ZFP3: variants seen among roughly 807,000 people sequenced by gnomAD.
ZFP3 encodes ZFP3 zinc finger protein.
ZFP3 carries 18 observed loss-of-function variants against 36.7 expected under a neutral mutation model. That is an observed-to-expected ratio of 0.49 (90% CI 0.34 to 0.73). The LOEUF (loss-of-function observed/expected upper bound fraction) is 0.73. Ranked by LOEUF, ZFP3 falls within the 30% of genes least tolerant of loss-of-function variation. The probability of loss-of-function intolerance (pLI) is 0.01; values close to 1 mark genes in which losing one functional copy is unlikely to be tolerated. For missense variants in ZFP3, 495 were observed against 599.0 expected (o/e 0.83, Z 1.81); for synonymous variants, 218 against 199.0 (o/e 1.10, Z -0.81).
rs1033616243 is a variant in ZFP3, at chr17:5,091,682, G to A, written c.178G>A (p.Glu60Lys). The A allele has an allele frequency of 6.2e-7, 1 of 1,614,096 alleles. No homozygotes were observed. Among genetic ancestry groups the A allele is most frequent in the Non-Finnish European group, 8.5e-7 (1 of 1,180,054 alleles). Residue 60 changes from glutamate to lysine, a missense_variant, in exon 2 of 2, where the codon GAG becomes AAG. Around this residue, in one of 3 missense-constraint regions of ZFP3, gnomAD observed 229 missense variants for 233.8 expected, o/e 0.98. Coordinates refer to ENST00000318833, the MANE Select transcript of ZFP3 (RefSeq NM_153018.3). ...HSRESMEEVI[E>K]QMSPQERDFP... Reference sequence around the variant, plus strand: ...GAGAGAGTCCATGGAAGAGGTTATAGAGCAGATGTCTCCTCAGGAGAGAGA... The same window carrying A: ...GAGAGAGTCCATGGAAGAGGTTATAAAGCAGATGTCTCCTCAGGAGAGAGA...
chr17:5,093,210 C>A lies in ZFP3; in HGVS notation c.*197C>A. The A allele has an allele frequency of 1.8e-6, 1 of 561,838 alleles. No individual in the cohort carries two copies. 34.8% of individuals were successfully genotyped at this position (561,838 alleles called of 1,614,324 possible). On this transcript the variant is annotated 3_prime_UTR_variant, in exon 2 of 2. Transcript: ENST00000318833. The stretch of plus-strand genomic sequence containing the variant: ...TTTTTTTTTAAGCATTGGGGTCTTG[C>A]TCTGTTGCCCAGGATGGGATGCAGT...
At position 5,091,944 on chromosome 17, in the gene ZFP3, G is replaced by C; in HGVS notation, c.440G>C (p.Gly147Ala). ...GEKPHTCKECGKAFNQNSHLI... is the reference protein window; with the variant it reads ...GEKPHTCKECAKAFNQNSHLI... The stretch of plus-strand genomic sequence containing the variant: ...AAGCCTCATACATGTAAAGAATGTG[G>C]GAAAGCCTTTAATCAGAACTCACAT... The change falls in exon 2 of 2, where the codon GGG (glycine) becomes GCG (alanine). Residue 147 changes from glycine to alanine, a missense_variant. Physicochemically the swap from Gly to Ala is moderately conservative, Grantham distance 60 (BLOSUM62 0). Around this residue, in one of 3 missense-constraint regions of ZFP3, gnomAD observed 229 missense variants for 233.8 expected, o/e 0.98. Coordinates refer to ENST00000318833, the MANE Select transcript of ZFP3 (RefSeq NM_153018.3). 1 of 1,614,132 alleles carries C rather than the reference G, an allele frequency of 6.2e-7. No individual in the cohort carries two copies. Among genetic ancestry groups the C allele is most frequent in the Non-Finnish European group, 8.5e-7 (1 of 1,180,004 alleles).
rs2072169856 is a variant in ZFP3 at position 5,094,541 on chromosome 17, C to T, written c.*1528C>T. The stretch of plus-strand genomic sequence containing the variant: ...GCTAGACCTTGAACAAGGCACTTCA[C>T]CTGCTGGTCTCCAATTTTCTCCTCT... On this transcript the variant is annotated 3_prime_UTR_variant, in exon 2 of 2. Coordinates refer to ENST00000318833, the MANE Select transcript of ZFP3 (RefSeq NM_153018.3). 1 of 167,114 alleles carries T rather than the reference C, an allele frequency of 6.0e-6. No homozygotes were observed. The highest frequency in any genetic ancestry group is 1.5e-5 in the Non-Finnish European group (1 of 68,134). 10.4% of individuals were successfully genotyped at this position (167,114 alleles called of 1,614,324 possible).
At chr17:5,087,077 A>ATTTTTTTTTTTTTTTTTTTTTTTTGTT (rs35379036) in intron 1 of ZFP3, among the ~76,000 whole-genome samples, 1 of 101,568 alleles carries the variant, frequency 9.8e-6, no homozygotes, top group Non-Finnish European at 1.9e-5. Context: ...ACTGCATTTG[A>ATTTTTTTTTTTTTTTTTTTTTTTTGTT]TTTTTTTTTT....
chr17:5,086,569 G>A, intron 1 of ZFP3, among the ~76,000 whole-genome samples: 2 of 148,078 alleles, frequency 1.4e-5, no homozygotes, highest in Middle Eastern at 7.1e-3. Context: ...GTCCGTCTTG[G>A]TCTTCTCCTT....
At chr17:5,087,063 C>A (rs2072125388) in intron 1 of ZFP3, among the ~76,000 whole-genome samples, 1 of 147,644 alleles carries the variant, frequency 6.8e-6, no homozygotes. Context: ...CCTAGCGAAT[C>A]TCAACTGCAT....
rs200538808 is a variant in ZFP3, at chr17:5,091,860, G to C, written c.356G>C (p.Gly119Ala). The C allele has an allele frequency of 1.2e-4, 198 of 1,614,054 alleles. No homozygotes were observed. Among genetic ancestry groups the C allele is most frequent in the Non-Finnish European group, 1.6e-4 (187 of 1,180,044 alleles). Residue 119 changes from glycine to alanine, a missense_variant, in exon 2 of 2, where the codon GGC (glycine) becomes GCC (alanine). Transcript: ENST00000318833. ...GGAGTTAGTGCATTTGCTACCTCTGGCCAAAACTTCCTAGAGATTTTAGAA... is the reference window on the plus strand; with the variant it reads ...GGAGTTAGTGCATTTGCTACCTCTGCCCAAAACTTCCTAGAGATTTTAGAA... ...TEGVSAFATS[G>A]QNFLEILESN...
intron 1 of ZFP3, among the ~76,000 whole-genome samples, chr17:5,091,084 A>G (rs1567749884): frequency 6.7e-6 from 1 of 149,478 alleles, no homozygotes; most frequent in Admixed American, 6.7e-5. Flanking sequence ...AATATTATGG[A>G]TTTTTTTTTT....
At chr17:5,087,424 C>G (rs2072127355) in intron 1 of ZFP3, among the ~76,000 whole-genome samples, 1 of 152,174 alleles carries the variant, frequency 6.6e-6, no homozygotes, top group Admixed American at 6.5e-5. Context: ...TAAGTGACTT[C>G]TGTGACACAT....
At chr17:5,084,484 C>G (rs2072110957) in intron 1 of ZFP3, among the ~76,000 whole-genome samples, 1 of 132,178 alleles carries the variant, frequency 7.6e-6, no homozygotes, top group Non-Finnish European at 1.6e-5. Flanking sequence ...ACCGTGTTAG[C>G]CAGGATGGTC....
chr17:5,088,700 G>A (rs924210570), intron 1 of ZFP3, among the ~76,000 whole-genome samples: 7 of 151,986 alleles, frequency 4.6e-5, no homozygotes, highest in African/African-American at 7.2e-5. Flanking sequence ...CACCATCCTC[G>A]GCCTCCCAAA....
chr17:5,082,748 T>C (rs1794862515), intron 1 of ZFP3, among the ~76,000 whole-genome samples: 3 of 152,164 alleles, frequency 2.0e-5, no homozygotes, highest in Admixed American at 6.6e-5. Context: ...CAGGCTGGTC[T>C]CAAACTCCTG....
chr17:5,083,545 C>CAAAAAAAAAAAA (rs35689875), intron 1 of ZFP3, among the ~76,000 whole-genome samples: 1 of 138,938 alleles, frequency 7.2e-6, no homozygotes. Flanking sequence ...AACTCTATCT[C>CAAAAAAAAAAAA]AAAAAAAAAA....
intron 1 of ZFP3, among the ~76,000 whole-genome samples, chr17:5,090,374 G>A (rs988529942): frequency 3.9e-5 from 6 of 152,190 alleles, no homozygotes; most frequent in African/African-American, 1.4e-4. Context: ...TATGGCATAG[G>A]TGGCATTTTA....
rs1381575202 is a variant in ZFP3 at position 5,093,619 on chromosome 17, CACTGTTT to C, written c.*608_*614del. ...AGAAGACACACCTCATTCTCCTGTC[CACTGTTT>C]AGCATTGGAATAATTTAGTAAGCTG... On this transcript the variant is annotated 3_prime_UTR_variant, in exon 2 of 2. Coordinates refer to ENST00000318833, the MANE Select transcript of ZFP3 (RefSeq NM_153018.3). 5.6e-5 allele frequency: 1 copy of C among 17,968 alleles called. No homozygotes were observed. The highest frequency in any genetic ancestry group is 3.6e-3 in the Non-Finnish European group (1 of 278). 1.1% of individuals were successfully genotyped at this position (17,968 alleles called of 1,614,324 possible).
chr17:5,079,239 A>T (rs759476121), intron 1 of ZFP3, among the ~76,000 whole-genome samples: 21 of 152,218 alleles, frequency 1.4e-4, no homozygotes, highest in Non-Finnish European at 2.4e-4. Flanking sequence ...AGTATTACAG[A>T]GGCTGGGTGC....
chr17:5,092,319 A>G lies in ZFP3; in HGVS notation c.815A>G (p.Gln272Arg). The change falls in exon 2 of 2, where the codon CAG (glutamine) becomes CGG (arginine). Residue 272 changes from glutamine (Q) to arginine (R), a missense_variant. Around this residue, in one of 3 missense-constraint regions of ZFP3, gnomAD observed 103 missense variants for 186.8 expected, o/e 0.55. Coordinates refer to ENST00000318833, the MANE Select transcript of ZFP3 (RefSeq NM_153018.3). The surrounding 1 kb of genome is among the most constrained non-coding windows in gnomAD (Gnocchi z 5.0). ...FRVSSQLIQHQRIHTEERYHE... is the reference protein window; with the variant it reads ...FRVSSQLIQHRRIHTEERYHE... ...GTTAGTTCACAGCTTATTCAGCATC[A>G]GAGAATTCATACTGAAGAAAGATAC... is the stretch of plus-strand genomic sequence containing the variant. The G allele has an allele frequency of 6.2e-7, 1 of 1,614,216 alleles. No homozygotes were observed. The highest frequency in any genetic ancestry group is 8.5e-7 in the Non-Finnish European group (1 of 1,180,046).
In ZFP3 at chr17:5,078,476, C is replaced by T. The variant is rs558036793; in HGVS notation, c.-108C>T. ...GGTACCGGAAGTGGCCGATGCCCGT[C>T]GCCAGTGACACCGGGACAACAGCTG... On this transcript the variant is annotated 5_prime_UTR_variant, in exon 1 of 2. Transcript: ENST00000318833. This position sits in a 1 kb window ranked among gnomAD's most constrained non-coding sequence, Gnocchi z 4.5. 7 of 152,434 alleles carry T rather than the reference C, an allele frequency of 4.6e-5. No homozygotes were observed. The East Asian group carries it at 1.3e-3, about 29-fold the overall frequency. 9.4% of individuals were successfully genotyped at this position (152,434 alleles called of 1,614,324 possible). A position where few individuals can be genotyped will look rare whatever the true frequency, so the allele number is the denominator to read the frequency against.
chr17:5,092,714 C>A lies in ZFP3; in HGVS notation c.1210C>A (p.Arg404=), dbSNP rs376617746. 1.5e-5 allele frequency: 25 copies of A among 1,613,882 alleles called. No homozygotes were observed. The highest frequency in any genetic ancestry group is 5.3e-5 in the African/African-American group (4 of 74,858). ...ECFECGKAFR[R]TSHLIVHQRI... ...CTTTGAGTGTGGAAAGGCTTTCAGG[C>A]GGACCTCTCACCTTATTGTCCACCA... The change falls in exon 2 of 2, where the codon CGG becomes AGG. Residue 404 remains arginine, a synonymous_variant. Coordinates refer to ENST00000318833, the MANE Select transcript of ZFP3 (RefSeq NM_153018.3). The surrounding 1 kb of genome is among the most constrained non-coding windows in gnomAD (Gnocchi z 5.0).
Sources: gnomAD v4.1 joint callset for allele counts (sites outside exome capture counted in the v4.1 genomes callset) on GRCh38, gnomAD v4.1.1 for gene constraint, gnomAD v4.1.1 regional missense constraint, Gnocchi (gnomAD v3.1) non-coding constraint, MANE v1.5 for transcripts, NCBI Gene and HGNC (gene_info 2026-07-23, HGNC 2026-07-21) for gene names.